FIG4: variants seen among roughly 807,000 people sequenced by gnomAD.
FIG4 encodes the protein polyphosphoinositide phosphatase.
FIG4 carries 112 observed loss-of-function variants against 118.6 expected under a neutral mutation model. The ratio of observed to expected loss-of-function variants is 0.94; its 90% CI spans 0.81 to 1.11. The LOEUF (loss-of-function observed/expected upper bound fraction) is 1.11. Among genes scored for constraint, FIG4 ranks in the 50% least tolerant of loss-of-function variants. The pLI is 0.00. For missense variants in FIG4, 969 were observed against 1,111.7 expected, an observed-to-expected ratio of 0.87 and a Z score of 1.83; for synonymous variants, 369 against 381.2, an observed-to-expected ratio of 0.97 and a Z score of 0.37.
chr6:109,708,096 G>T (rs1270107537), intron 1 of FIG4, among the ~76,000 whole-genome samples: 1 of 151,374 alleles, frequency 6.6e-6, no homozygotes, highest in Non-Finnish European at 1.5e-5. Flanking sequence ...TGTCACCCAG[G>T]TATTAAGCCT....
At chr6:109,735,721 A>G (rs900041083) in intron 6 of FIG4, among the ~76,000 whole-genome samples, 3 of 152,096 alleles carry the variant, frequency 2.0e-5, no homozygotes, top group Admixed American at 6.6e-5. Flanking sequence ...TGTGCTAGAC[A>G]TTTACATGTA....
intron 1 of FIG4, among the ~76,000 whole-genome samples, chr6:109,707,441 A>G (rs1013470339): frequency 6.0e-5 from 9 of 148,984 alleles, no homozygotes; most frequent in African/African-American, 2.0e-4. Flanking sequence ...ATATATATAC[A>G]TATATATACA....
intron 15 of FIG4, among the ~76,000 whole-genome samples, chr6:109,776,034 A>G (rs543202679): frequency 6.6e-6 from 1 of 152,338 alleles, no homozygotes; most frequent in South Asian, 2.1e-4. Flanking sequence ...TATTATTTAT[A>G]TTGTGGATGT....
chr6:109,824,257 C>T (rs981849293), intron 22 of FIG4, among the ~76,000 whole-genome samples: 5 of 152,142 alleles, frequency 3.3e-5, no homozygotes, highest in African/African-American at 1.2e-4. Context: ...CTATTACAGA[C>T]CCACAAGCCA....
At chr6:109,748,845 C>T (rs767076986) in intron 10 of FIG4, among the ~76,000 whole-genome samples, 20 of 152,044 alleles carry the variant, frequency 1.3e-4, no homozygotes, top group Non-Finnish European at 1.8e-4. Context: ...ACCACAAGAA[C>T]GGTATGGGGG....
chr6:109,810,599 TC>T (rs1456299207), intron 22 of FIG4, among the ~76,000 whole-genome samples: 4 of 152,212 alleles, frequency 2.6e-5, no homozygotes, highest in Non-Finnish European at 5.9e-5. Flanking sequence ...CGACAGACAT[TC>T]TTCCTCCTGT....
chr6:109,789,698 G>A lies in FIG4; in HGVS notation c.2180+21G>A, dbSNP rs200744341. On this transcript the variant is annotated intron_variant, in intron 19 of 22. Coordinates refer to ENST00000230124, the MANE Select transcript of FIG4 (RefSeq NM_014845.6). ...TTGGGGTAAGATTTGTGTATAGAAC[G>A]AAACTTTAAAGATTTGTGTAAAAGA... The A allele has an allele frequency of 2.0e-5, 30 of 1,527,612 alleles. 1 individual carries two copies. The highest frequency in any genetic ancestry group is 1.8e-4 in the African/African-American group (13 of 73,438). The allele number at this position is 1,527,612 out of a possible 1,614,324, so 94.6% of individuals were successfully genotyped here.
intron 1 of FIG4, among the ~76,000 whole-genome samples, chr6:109,693,420 A>G (rs1774610256): frequency 6.6e-6 from 1 of 152,178 alleles, no homozygotes; most frequent in Admixed American, 6.5e-5. Context: ...GTAGTCTCTC[A>G]ATAGATGTGG....
intron 20 of FIG4, among the ~76,000 whole-genome samples, chr6:109,792,179 C>G (rs1250720365): frequency 1.3e-5 from 2 of 152,222 alleles, no homozygotes; most frequent in African/African-American, 4.8e-5. Context: ...TAAAATTACA[C>G]TGGAATCCAG....
At chr6:109,789,546 C>A in intron 18 of FIG4, 48 bp from the exon 19 acceptor site, 1 of 1,323,504 alleles carries the variant, frequency 7.6e-7, no homozygotes, top group Non-Finnish European at 1.1e-6. Flanking sequence ...CCAATATCAT[C>A]TGGATGGACA....
At chr6:109,792,707 A>T in intron 21 of FIG4, 43 bp downstream of exon 21, 2 of 961,326 alleles carry the variant, frequency 2.1e-6, no homozygotes, top group Non-Finnish European at 3.3e-6. Context: ...ATGAATATTT[A>T]TAATTACAGT....
In FIG4 at chr6:109,786,343, T is replaced by C. The variant is rs370602258; in HGVS notation, c.1990T>C (p.Phe664Leu). ...CTTAAAGAAGTTGATAGTGAAGAAA[T>C]TCCACAAATATGAAGAAGAGATTGA... ...VNLKKLIVKK[F>L]HKYEEEIDIH... The change falls in exon 18 of 23, where the codon TTC becomes CTC. Residue 664 changes from phenylalanine (F) to leucine (L), a missense_variant. By Grantham distance (22) the Phe-to-Leu change is conservative. This residue lies in a region of FIG4 where 330 missense variants were observed against 348.1 expected (regional missense o/e 0.95). Coordinates refer to ENST00000230124, the MANE Select transcript of FIG4 (RefSeq NM_014845.6). The C allele has an allele frequency of 2.5e-6, 4 of 1,613,482 alleles. No individual in the cohort carries two copies. The African/African-American group carries it at 5.3e-5, about 22-fold the overall frequency.
intron 22 of FIG4, among the ~76,000 whole-genome samples, chr6:109,815,301 C>G (rs1345025640): frequency 6.6e-6 from 1 of 152,036 alleles, no homozygotes; most frequent in Non-Finnish European, 1.5e-5. Flanking sequence ...CTCTTCCTCT[C>G]CTTGGGCTCC....
chr6:109,738,481 A>G (rs1467049589), intron 7 of FIG4, 28 bp downstream of exon 7: 2 of 1,586,994 alleles, frequency 1.3e-6, no homozygotes, highest in South Asian at 2.2e-5. Flanking sequence ...AAAGTAAGAT[A>G]CATATTACTA....
rs1775843023 is a variant in FIG4, at chr6:109,727,106, T to C, written c.290-3T>C. 1.2e-6 allele frequency: 2 copies of C among 1,605,994 alleles called. No homozygotes were observed. The highest frequency in any genetic ancestry group is 1.7e-5 in the Admixed American group (1 of 59,938). ...ATATTTCTCTTTATTTTTTGTTGCA[T>C]AGGTTTTGTCAGGTTCTTAGAAGGC... On this transcript the variant is annotated splice_polypyrimidine_tract_variant and splice_region_variant and intron_variant, in intron 3 of 22. Coordinates refer to ENST00000230124, the MANE Select transcript of FIG4 (RefSeq NM_014845.6).
At chr6:109,795,595 C>CTTTTTTTTTTTT (rs72384711) in intron 21 of FIG4, among the ~76,000 whole-genome samples, 2 of 69,538 alleles carry the variant, frequency 2.9e-5, no homozygotes, top group Non-Finnish European at 2.5e-5. Flanking sequence ...GGTTTCAGTC[C>CTTTTTTTTTTTT]TTTTTTTTTT....
intron 22 of FIG4, among the ~76,000 whole-genome samples, chr6:109,823,637 T>C (rs1056904207): frequency 6.6e-6 from 1 of 152,126 alleles, no homozygotes; most frequent in Non-Finnish European, 1.5e-5. Context: ...AATGTTGATA[T>C]TTCAAGTACA....
At chr6:109,741,594 C>T (rs1419041049) in intron 8 of FIG4, 50 bp downstream of exon 8, 5 of 1,153,386 alleles carry the variant, frequency 4.3e-6, no homozygotes, top group Middle Eastern at 1.9e-4. Context: ...TTTATATCAG[C>T]TTTGCTGATG....
At chr6:109,727,412 A>T (rs1775856271) in intron 4 of FIG4, 147 bp downstream of exon 4, 3 of 678,236 alleles carry the variant, frequency 4.4e-6, no homozygotes, top group South Asian at 1.6e-5. Context: ...AATGTCGTAG[A>T]TCAGGTAGAA....
Sources: allele counts gnomAD v4.1 joint callset (sites outside exome capture counted in the v4.1 genomes callset), GRCh38; gene constraint gnomAD v4.1.1; regional missense constraint gnomAD v4.1.1; transcripts MANE v1.5; gene names NCBI Gene and HGNC (gene_info 2026-07-23, HGNC 2026-07-21).